The following PTPDC1 variants were observed in gnomAD, a reference collection of about 807,000 sequenced individuals.
PTPDC1 encodes protein tyrosine phosphatase domain containing 1.
A neutral mutation model predicts 75.3 loss-of-function variants in PTPDC1; 53 were observed. The ratio of observed to expected loss-of-function variants is 0.70; its 90% CI spans 0.56 to 0.88. The LOEUF (loss-of-function observed/expected upper bound fraction) is 0.88. Among genes scored for constraint, PTPDC1 ranks in the 40% least tolerant of loss-of-function variants. The pLI is 0.00. For synonymous variants in PTPDC1, 349 were observed against 366.2 expected (o/e 0.95, Z 0.54); for missense variants, 925 against 998.6 (o/e 0.93, Z 0.99).
rs1382282550 is a variant in PTPDC1, at chr9:94,046,724, G to A, written c.-7+15597G>A. Reference sequence around the variant, plus strand: ...TCCTGAGACTTTGCTGAAGTTGCCTGTCAGCTTAAGGAGATTTTGGGCTGA... The same window carrying A: ...TCCTGAGACTTTGCTGAAGTTGCCTATCAGCTTAAGGAGATTTTGGGCTGA... On this transcript the variant is annotated intron_variant, in intron 1 of 9. Coordinates refer to the PTPDC1 transcript ENST00000375360. 7.2e-5 allele frequency among the ~76,000 whole-genome samples: 11 copies of A among 152,240 alleles called. No individual in the cohort carries two copies. In the South Asian group the frequency reaches 1.0e-3, roughly 14 times the overall value.
At chr9:94,091,676 A>G (rs1015031520) in intron 4 of PTPDC1, among the ~76,000 whole-genome samples, 1 of 152,026 alleles carries the variant, frequency 6.6e-6, no homozygotes, top group African/African-American at 2.4e-5. Flanking sequence ...TCCTCCTTAT[A>G]CCTCTGGTAG....
chr9:94,095,214 T>C, intron 4 of PTPDC1, 103 bp from the exon 5 acceptor site: 1 of 842,144 alleles, frequency 1.2e-6, no homozygotes, highest in Non-Finnish European at 1.9e-6. Context: ...CACTGAGATC[T>C]ACATGCCTCA....
chr9:94,035,541 A>G (rs1163257462), intron 1 of PTPDC1, among the ~76,000 whole-genome samples: 2 of 152,306 alleles, frequency 1.3e-5, no homozygotes, highest in Middle Eastern at 3.4e-3. Flanking sequence ...ATAGTAGTCC[A>G]TTGTGTATAT....
intron 1 of PTPDC1, among the ~76,000 whole-genome samples, chr9:94,047,483 C>T (rs909808690): frequency 6.6e-6 from 1 of 152,108 alleles, no homozygotes; most frequent in Non-Finnish European, 1.5e-5. Context: ...CTAAAATTGA[C>T]ACCCTAACAT....
chr9:94,035,221 T>C (rs1825228868), intron 1 of PTPDC1, among the ~76,000 whole-genome samples: 1 of 152,220 alleles, frequency 6.6e-6, no homozygotes, highest in South Asian at 2.1e-4. Context: ...TGTAATACAC[T>C]GTTATTAACT....
intron 2 of PTPDC1, among the ~76,000 whole-genome samples, chr9:94,077,627 C>G (rs1193346708): frequency 6.6e-6 from 1 of 152,212 alleles, no homozygotes; most frequent in African/African-American, 2.4e-5. Context: ...ATGCTGACCC[C>G]AAGTGTGCCA....
intron 2 of PTPDC1, among the ~76,000 whole-genome samples, chr9:94,072,522 AT>A (rs149641618): frequency 0.053 from 7,915 of 149,520 alleles, 630 homozygotes; most frequent in African/African-American, 0.18. Context: ...ATATGCTGTT[AT>A]TTTTTTTTTC....
intron 2 of PTPDC1, among the ~76,000 whole-genome samples, chr9:94,076,662 G>A (rs896429435): frequency 6.6e-6 from 1 of 152,114 alleles, no homozygotes; most frequent in Non-Finnish European, 1.5e-5. Context: ...GAGTTTTTGT[G>A]TGGACATATG....
chr9:94,066,406 T>C (rs1826308306), intron 2 of PTPDC1, among the ~76,000 whole-genome samples: 1 of 152,154 alleles, frequency 6.6e-6, no homozygotes. Context: ...AAGTATTTTT[T>C]TAAATGTTAT....
Position 94,098,034 on chromosome 9 carries a change from CCA to C in PTPDC1, c.1471_1472del (p.Gln491ValfsTer33). 1 of 1,614,198 alleles carries C rather than the reference CCA, an allele frequency of 6.2e-7. No individual in the cohort carries two copies. Among genetic ancestry groups the C allele is most frequent in the Non-Finnish European group, 8.5e-7 (1 of 1,180,030 alleles). ...GAAGCTCATAAGCCATTGTTACATC[CCA>C]CAGTCTCCAGAACCAGACTTACACA... ...QQKLISHCYI[P>X]QSPEPDLHKE... On this transcript the variant is annotated frameshift_variant, in exon 6 of 9. Transcript: ENST00000620992. LOFTEE classifies it high-confidence loss of function.
intron 4 of PTPDC1, among the ~76,000 whole-genome samples, chr9:94,089,005 A>G (rs1044348349): frequency 2.0e-5 from 3 of 151,924 alleles, no homozygotes; most frequent in African/African-American, 7.3e-5. Flanking sequence ...ATACTTCGCC[A>G]TAATTCTTTC....
intron 1 of PTPDC1, among the ~76,000 whole-genome samples, chr9:94,047,856 A>G (rs1179223739): frequency 1.3e-5 from 2 of 152,220 alleles, no homozygotes; most frequent in Non-Finnish European, 2.9e-5. Context: ...CATCCTCCCA[A>G]GACTAAACCA....
At chr9:94,084,010 C>T (rs1471089858), upstream of PTPDC1, among the ~76,000 whole-genome samples, 2 of 152,138 alleles carry the variant, frequency 1.3e-5, no homozygotes, top group Middle Eastern at 3.2e-3. Context: ...TTTTAATAAT[C>T]TTGTAAGGTG....
chr9:94,102,003 C>A (rs1206370392), intron 7 of PTPDC1, among the ~76,000 whole-genome samples: 1 of 152,272 alleles, frequency 6.6e-6, no homozygotes, highest in East Asian at 1.9e-4. Context: ...TTTAAACTTA[C>A]CAATATGTAT....
intron 1 of PTPDC1, among the ~76,000 whole-genome samples, chr9:94,063,253 A>G (rs944475630): frequency 6.6e-6 from 1 of 152,218 alleles, no homozygotes; most frequent in African/African-American, 2.4e-5. Context: ...CCATGATTCT[A>G]ATATGGTGAT....
intron 1 of PTPDC1, chr9:94,038,342 G>A: frequency 1.7e-6 from 1 of 590,218 alleles, no homozygotes; most frequent in Non-Finnish European, 3.1e-6. Context: ...CTACTAGTGA[G>A]TAATTATTGA....
At chr9:94,080,080 TGACCCTACATGGA>T (rs541342505), upstream of PTPDC1, among the ~76,000 whole-genome samples, 1 of 152,222 alleles carries the variant, frequency 6.6e-6, no homozygotes, top group African/African-American at 2.4e-5. Context: ...TGTGGCAGGG[TGACCCTACATGGA>T]ATATTGGAAC....
At chr9:94,093,384 CT>C (rs1665187624) in intron 4 of PTPDC1, among the ~76,000 whole-genome samples, 1 of 149,126 alleles carries the variant, frequency 6.7e-6, no homozygotes, top group South Asian at 2.2e-4. Flanking sequence ...GTTGAAAATT[CT>C]TTTCTTTAAG....
At chr9:94,105,666 CAA>C (rs35654588) in intron 8 of PTPDC1, among the ~76,000 whole-genome samples, 9,965 of 107,778 alleles carry the variant, frequency 0.092, 409 homozygotes, top group Middle Eastern at 0.14. Context: ...GACTCTGTCT[CAA>C]AAAAAAAAAA....
Sources: allele counts gnomAD v4.1 joint callset (sites outside exome capture counted in the v4.1 genomes callset), GRCh38; gene constraint gnomAD v4.1.1; transcripts MANE v1.5; gene names NCBI Gene and HGNC (gene_info 2026-07-23, HGNC 2026-07-21).